ADAMTS17: variants seen among roughly 807,000 people sequenced by gnomAD.
ADAMTS17 encodes A disintegrin and metalloproteinase with thrombospondin motifs 17.
ADAMTS17 carries 113 observed loss-of-function variants against 141.5 expected under a neutral mutation model. The observed-to-expected ratio is 0.80, with a 90% CI of 0.69 to 0.93. ADAMTS17 has a LOEUF of 0.93. ADAMTS17 is among the 40% of genes least tolerant of loss of function. The pLI, the probability that ADAMTS17 is intolerant of heterozygous loss-of-function variation, is 0.00. For missense variants in ADAMTS17, 1,659 were observed against 1,517.9 expected (o/e 1.09, Z -1.54); for synonymous variants, 768 against 630.6 (o/e 1.22, Z -3.27).
chr15:100,073,914 T>TA (rs200271302), intron 15 of ADAMTS17, among the ~76,000 whole-genome samples: 105,056 of 151,634 alleles, frequency 0.69, 37,682 homozygotes, highest in South Asian at 0.8. Context: ...TAAAGTATAA[T>TA]TAAAAAAAGG....
intron 20 of ADAMTS17, among the ~76,000 whole-genome samples, chr15:99,978,108 A>C (rs902868396): frequency 1.3e-5 from 2 of 151,866 alleles, no homozygotes; most frequent in Non-Finnish European, 2.9e-5. Context: ...CCGTGTCCTC[A>C]CTCTTGGTCC....
intron 20 of ADAMTS17, among the ~76,000 whole-genome samples, chr15:99,977,402 T>A (rs1257157760): frequency 1.5e-4 from 2 of 13,114 alleles, no homozygotes; most frequent in African/African-American, 1.2e-3. Context: ...ATATATATAA[T>A]TTTTTTTTTT....
chr15:100,079,623 T>C (rs183457914), intron 15 of ADAMTS17, among the ~76,000 whole-genome samples: 2 of 152,294 alleles, frequency 1.3e-5, no homozygotes, highest in East Asian at 3.9e-4. Context: ...CTTGGGGTGA[T>C]CAGCCAGCAA....
rs1016462751 is a variant in ADAMTS17 at position 99,973,451 on chromosome 15, G to T, written c.*951C>A. On this transcript the variant is annotated 3_prime_UTR_variant, in exon 22 of 22. Transcript: ENST00000268070. ...GATAAATGGCCACGGTCGGTAGAAA[G>T]CCACTGGGATGTGGTACAGCATCTC... 4 of 152,280 alleles carry T rather than the reference G, an allele frequency of 2.6e-5. No individual in the cohort carries two copies. Among genetic ancestry groups the T allele is most frequent in the African/African-American group, 9.7e-5 (4 of 41,446 alleles). 9.4% of individuals were successfully genotyped at this position (152,280 alleles called of 1,614,324 possible). A position where few individuals can be genotyped will look rare whatever the true frequency, so the allele number is the denominator to read the frequency against.
intron 18 of ADAMTS17, among the ~76,000 whole-genome samples, chr15:100,006,462 A>G (rs2061038220): frequency 6.6e-6 from 1 of 152,258 alleles, no homozygotes; most frequent in African/African-American, 2.4e-5. Flanking sequence ...CAAAGAAACA[A>G]TGCCATCATC....
At chr15:100,221,118 C>T (rs1350749863) in intron 7 of ADAMTS17, among the ~76,000 whole-genome samples, 1 of 152,150 alleles carries the variant, frequency 6.6e-6, no homozygotes, top group Non-Finnish European at 1.5e-5. Flanking sequence ...TTAATACCAC[C>T]AGTTTGACGG....
intron 2 of ADAMTS17, among the ~76,000 whole-genome samples, chr15:100,340,505 G>A (rs1005534472): frequency 3.3e-5 from 5 of 152,206 alleles, no homozygotes; most frequent in African/African-American, 1.2e-4. Context: ...GCTAGGAAGA[G>A]TGGGGTGAGC....
rs780229040 is a variant in ADAMTS17 at position 100,133,202 on chromosome 15, G to T, written c.1575+12C>A. ...AGCTGCCTGTTGGGGGCAGTGGGAAGTCAGAGGTTACCTTGTCTGCCCCAC... is the reference window on the plus strand; with the variant it reads ...AGCTGCCTGTTGGGGGCAGTGGGAATTCAGAGGTTACCTTGTCTGCCCCAC... On this transcript the variant is annotated intron_variant, in intron 11 of 21. Transcript: ENST00000268070. The T allele has an allele frequency of 6.3e-7, 1 of 1,576,558 alleles. No individual in the cohort carries two copies. Among genetic ancestry groups the T allele is most frequent in the East Asian group, 2.3e-5 (1 of 43,800 alleles).
At chr15:99,999,573 G>T (rs1214936304) in intron 18 of ADAMTS17, among the ~76,000 whole-genome samples, 1 of 152,170 alleles carries the variant, frequency 6.6e-6, no homozygotes, top group East Asian at 1.9e-4. Flanking sequence ...ATGGGATTTG[G>T]GGGGCAGAAG....
rs554858153 is a variant in ADAMTS17 at position 100,323,610 on chromosome 15, C to T, written c.616+7279G>A. Reference sequence around the variant, plus strand: ...AAGCAATAGGAATAAACCTAGAGAACATTTAAAAAAGGAATAAAGGAAAAA... The same window carrying T: ...AAGCAATAGGAATAAACCTAGAGAATATTTAAAAAAGGAATAAAGGAAAAA... On this transcript the variant is annotated intron_variant, in intron 3 of 21. Transcript: ENST00000268070. 2.0e-5 allele frequency among the ~76,000 whole-genome samples: 3 copies of T among 151,514 alleles called. No homozygotes were observed. The South Asian group carries it at 6.3e-4, about 32-fold the overall frequency.
intron 7 of ADAMTS17, among the ~76,000 whole-genome samples, chr15:100,236,353 G>A (rs1168437732): frequency 1.3e-5 from 2 of 150,342 alleles, no homozygotes; most frequent in African/African-American, 2.5e-5. Context: ...CTCAGAGTGT[G>A]GTCCCCACAC....
At chr15:100,106,329 C>T (rs887407987) in intron 14 of ADAMTS17, among the ~76,000 whole-genome samples, 1 of 152,190 alleles carries the variant, frequency 6.6e-6, no homozygotes, top group African/African-American at 2.4e-5. Context: ...CTAGGGTATT[C>T]GTTAGAGCAG....
chr15:100,105,642 T>C (rs2036371213), intron 14 of ADAMTS17, among the ~76,000 whole-genome samples: 1 of 152,286 alleles, frequency 6.6e-6, no homozygotes, highest in East Asian at 1.9e-4. Context: ...AGCTCATGAA[T>C]GTGCTGGTGC....
chr15:100,119,319 C>T lies in ADAMTS17; in HGVS notation c.1722-2306G>A, dbSNP rs62038585. Among the ~76,000 whole-genome samples the T allele has an allele frequency of 1.2e-3, 181 of 152,150 alleles. 1 individual carries two copies. The highest frequency in any genetic ancestry group is 2.7e-3 in the Admixed American group (41 of 15,288). On this transcript the variant is annotated intron_variant, in intron 12 of 21. Coordinates refer to ENST00000268070, the MANE Select transcript of ADAMTS17 (RefSeq NM_139057.4). ...GACGACACAAGGACCAGATGCTCCT[C>T]GCGGAACTTACATGCAGACTAAGGG...
chr15:100,194,181 C>T (rs2041027077), intron 8 of ADAMTS17, among the ~76,000 whole-genome samples: 1 of 152,212 alleles, frequency 6.6e-6, no homozygotes, highest in South Asian at 2.1e-4. Flanking sequence ...AAGGTCCTGT[C>T]TCTAGACATC....
intron 3 of ADAMTS17, among the ~76,000 whole-genome samples, chr15:100,293,372 G>A (rs2142137922): frequency 6.6e-6 from 1 of 152,334 alleles, no homozygotes; most frequent in East Asian, 1.9e-4. Flanking sequence ...CCAATGGGCA[G>A]CCCACTTTAA....
intron 4 of ADAMTS17, among the ~76,000 whole-genome samples, chr15:100,277,854 T>C (rs1181108460): frequency 6.6e-6 from 1 of 152,236 alleles, no homozygotes; most frequent in African/African-American, 2.4e-5. Flanking sequence ...CATAGCAACA[T>C]TATTCACAGT....
chr15:100,020,390 C>T (rs929053813), intron 18 of ADAMTS17, among the ~76,000 whole-genome samples: 7 of 152,294 alleles, frequency 4.6e-5, no homozygotes, highest in Middle Eastern at 3.4e-3. Flanking sequence ...CAACTGTGTT[C>T]GAAGGGGCAG....
chr15:99,988,531 A>C (rs1049011404), intron 20 of ADAMTS17, among the ~76,000 whole-genome samples: 1 of 152,224 alleles, frequency 6.6e-6, no homozygotes, highest in Non-Finnish European at 1.5e-5. Context: ...AATGCAAAGT[A>C]GATTAATATA....
Sources: gnomAD v4.1 joint callset for allele counts (sites outside exome capture counted in the v4.1 genomes callset) on GRCh38, gnomAD v4.1.1 for gene constraint, MANE v1.5 for transcripts, NCBI Gene and HGNC (gene_info 2026-07-23, HGNC 2026-07-21) for gene names.